ZDHHC9: variants seen among roughly 807,000 people sequenced by gnomAD.
ZDHHC9 encodes the protein palmitoyltransferase ZDHHC9.
A neutral mutation model predicts 26.6 loss-of-function variants in ZDHHC9; 3 were observed. The observed-to-expected ratio is 0.11, with a 90% confidence interval of 0.05 to 0.29. ZDHHC9 has a LOEUF of 0.29. ZDHHC9 is among the 10% of genes least tolerant of loss of function. The pLI, the probability that ZDHHC9 is intolerant of heterozygous loss-of-function variation, is 1.00. For missense variants in ZDHHC9, 146 were observed against 296.4 expected (o/e 0.49, Z 3.73); for synonymous variants, 111 against 109.4 (o/e 1.01, Z -0.09).
chrX:129,806,501 A>G lies in ZDHHC9; in HGVS notation c.979-15T>C, dbSNP rs1927520091. ...TCTGTGGGGGCCTGAGAAGGAAAAG[A>G]TATGAGATTCAACACAAAGCTGTTC... On this transcript the variant is annotated splice_polypyrimidine_tract_variant and intron_variant, in intron 10 of 10. Transcript: ENST00000357166. 8.5e-7 allele frequency: 1 copy of G among 1,179,725 alleles called. No homozygotes were observed. Among genetic ancestry groups the G allele is most frequent in the African/African-American group, 1.8e-5 (1 of 56,356 alleles).
chrX:129,838,039 A>T (rs1305848823), intron 3 of ZDHHC9, among the ~76,000 whole-genome samples: 1 of 112,439 alleles, frequency 8.9e-6, no homozygotes, highest in Non-Finnish European at 1.9e-5. Flanking sequence ...AAGAACTGAA[A>T]ATTGTTCATG....
At position 129,806,381 on chromosome X, in the gene ZDHHC9, C is replaced by G. The variant is rs1299515948; in HGVS notation, c.1084G>C (p.Ala362Pro). 3 of 1,210,810 alleles carry G rather than the reference C, an allele frequency of 2.5e-6. No homozygotes were observed. The highest frequency in any genetic ancestry group is 3.4e-6 in the Non-Finnish European group (3 of 894,492). The change falls in exon 11 of 11, where the codon GCT (alanine) becomes CCT (proline). Residue 362 changes from alanine to proline, a missense_variant. Physicochemically the swap from Ala to Pro is conservative, Grantham distance 27. This residue lies in a region of ZDHHC9 where 46 missense variants were observed against 46.4 expected (regional missense o/e 0.99). Coordinates refer to ENST00000357166, the MANE Select transcript of ZDHHC9 (RefSeq NM_016032.4). ...PPEPPQEAAE[A>P]EK ...CTTCCATAGATAGGCTACTTCTCAG[C>G]TTCAGCTGCCTCCTGTGGTGGCTCT...
At chrX:129,817,122 G>A (rs1430921318) in intron 5 of ZDHHC9, among the ~76,000 whole-genome samples, 2 of 111,120 alleles carry the variant, frequency 1.8e-5, no homozygotes, top group African/African-American at 3.3e-5. Context: ...TGAAATGCCC[G>A]CCTCAGCCTC....
Position 129,841,845 on chromosome X carries a change from T to G in ZDHHC9, c.101A>C (p.Gln34Pro). 8.3e-7 allele frequency: 1 copy of G among 1,211,852 alleles called. No individual in the cohort carries two copies. Among genetic ancestry groups the G allele is most frequent in the East Asian group, 3.0e-5 (1 of 33,850 alleles). ...AAGGGTCAGGTAGAAAATGCCCTTT[T>G]GCCGGGCCATCATGACGCGGCCATC... is the stretch of plus-strand genomic sequence containing the variant. Reference protein sequence around the residue: ...CCDGRVMMARQKGIFYLTLFL... With the variant: ...CCDGRVMMARPKGIFYLTLFL... Residue 34 changes from glutamine to proline, a missense_variant, in exon 3 of 11, where the codon CAA becomes CCA. By Grantham distance (76) the Gln-to-Pro change is moderately conservative (BLOSUM62 -1). This residue lies in a region of ZDHHC9 where 100 missense variants were observed against 250.0 expected (regional missense o/e 0.40). Transcript: ENST00000357166.
At chrX:129,812,890 G>A (rs772249868) in intron 7 of ZDHHC9, 70 bp from the exon 8 acceptor site, 100 of 730,436 alleles carry the variant, frequency 1.4e-4, no homozygotes, top group Non-Finnish European at 2.0e-4. Flanking sequence ...CATATTCAGA[G>A]CACCAGTCAG....
chrX:129,814,794 C>T lies in ZDHHC9; in HGVS notation c.489G>A (p.Glu163=), dbSNP rs1339214564. The part of the protein sequence containing the change: ...SHCSICDNCV[E]RFDHHCPWVG... ...CCCAGGGGCAGTGATGGTCGAAGCGCTCTGTGGGAGAAAGAGAGAGTCCAA... is the reference window on the plus strand; with the variant it reads ...CCCAGGGGCAGTGATGGTCGAAGCGTTCTGTGGGAGAAAGAGAGAGTCCAA... Residue 163 remains glutamate, a splice_region_variant and synonymous_variant, in exon 6 of 11, where the codon GAG becomes GAA. Transcript: ENST00000357166. The T allele has an allele frequency of 1.7e-6, 2 of 1,209,296 alleles. No homozygotes were observed. The highest frequency in any genetic ancestry group is 5.9e-5 in the East Asian group (2 of 33,762).
chrX:129,837,937 T>C (rs1032172179), intron 3 of ZDHHC9, among the ~76,000 whole-genome samples: 2 of 112,250 alleles, frequency 1.8e-5, no homozygotes, highest in Non-Finnish European at 3.8e-5. Flanking sequence ...GTCTCCTAGG[T>C]TGTCAGTGGC....
intron 5 of ZDHHC9, among the ~76,000 whole-genome samples, chrX:129,817,800 T>C (rs948547664): frequency 1.8e-5 from 2 of 111,128 alleles, no homozygotes; most frequent in Non-Finnish European, 3.8e-5. Context: ...CAGTACTGTA[T>C]TCCTTTTTAT....
intron 4 of ZDHHC9, among the ~76,000 whole-genome samples, chrX:129,825,278 A>AT (rs1449958304): frequency 1.8e-5 from 2 of 111,711 alleles, no homozygotes; most frequent in Non-Finnish European, 1.9e-5. Flanking sequence ...CAAAAAAAAA[A>AT]TTTTTTTTGG....
chrX:129,832,268 T>A (rs888796824), intron 3 of ZDHHC9, among the ~76,000 whole-genome samples: 1 of 110,951 alleles, frequency 9.0e-6, no homozygotes, highest in Non-Finnish European at 1.9e-5. Flanking sequence ...CTGACAAGAA[T>A]AAGCTACGTG....
At chrX:129,811,618 G>A in intron 8 of ZDHHC9, 109 bp from the exon 9 acceptor site, 1 of 654,224 alleles carries the variant, frequency 1.5e-6, no homozygotes, top group South Asian at 2.8e-5. Context: ...TAATAATGTT[G>A]AAGAAACACA....
At chrX:129,812,217 G>A (rs1266962389) in intron 8 of ZDHHC9, among the ~76,000 whole-genome samples, 1 of 110,932 alleles carries the variant, frequency 9.0e-6, no homozygotes, top group East Asian at 2.8e-4. Flanking sequence ...CCGAGTAGCT[G>A]GGACTACAGG....
At chrX:129,829,377 C>T (rs1170951691) in intron 3 of ZDHHC9, among the ~76,000 whole-genome samples, 1 of 111,494 alleles carries the variant, frequency 9.0e-6, no homozygotes, top group Non-Finnish European at 1.9e-5. Context: ...CTTGAGGACA[C>T]TCTCTTACCC....
intron 4 of ZDHHC9, among the ~76,000 whole-genome samples, chrX:129,824,214 C>T (rs1018267159): frequency 7.2e-5 from 8 of 111,684 alleles, no homozygotes; most frequent in African/African-American, 2.6e-4. Flanking sequence ...AATAAAAATA[C>T]CCCATGTTAG....
In ZDHHC9 at chrX:129,828,985, C is replaced by T. The variant is rs372929200; in HGVS notation, c.324G>A (p.Glu108=). The T allele has an allele frequency of 3.1e-5, 38 of 1,209,974 alleles. No homozygotes were observed. Among genetic ancestry groups the T allele is most frequent in the Non-Finnish European group, 4.1e-5 (37 of 895,307 alleles). The change falls in exon 4 of 11, where the codon GAG becomes GAA. Residue 108 remains glutamate, a synonymous_variant. Coordinates refer to ENST00000357166, the MANE Select transcript of ZDHHC9 (RefSeq NM_016032.4). ...CCAGCTGGTTGGAAGACTCACCTAT[C>T]TCCATTTCTATGAAAGCTGCTTCAT... is the stretch of plus-strand genomic sequence containing the variant. ...LPDEAAFIEM[E]IEATNGAVPQ...
intron 4 of ZDHHC9, among the ~76,000 whole-genome samples, chrX:129,828,135 T>C (rs1429512472): frequency 9.0e-6 from 1 of 111,532 alleles, no homozygotes; most frequent in Non-Finnish European, 1.9e-5. Flanking sequence ...GAATTCTTGG[T>C]TGGGGGGGAC....
chrX:129,807,805 C>T (rs760075569), intron 10 of ZDHHC9, among the ~76,000 whole-genome samples: 58 of 111,814 alleles, frequency 5.2e-4, no homozygotes, highest in African/African-American at 1.7e-3. Context: ...GGCAACAGAG[C>T]GAAACTCCAT....
At chrX:129,828,906 C>T (rs1200595479) in intron 4 of ZDHHC9, 75 bp downstream of exon 4, 2 of 1,157,947 alleles carry the variant, frequency 1.7e-6, no homozygotes, top group Non-Finnish European at 1.2e-6. Context: ...TCTGCAACTA[C>T]TATTATGATT....
At chrX:129,833,503 C>T (rs1301297055) in intron 3 of ZDHHC9, among the ~76,000 whole-genome samples, 1 of 112,170 alleles carries the variant, frequency 8.9e-6, no homozygotes, top group East Asian at 2.8e-4. Context: ...CTATGCCTTA[C>T]GGATTGGCAG....
Sources: gnomAD v4.1 joint callset for allele counts (sites outside exome capture counted in the v4.1 genomes callset) on GRCh38, gnomAD v4.1.1 for gene constraint, gnomAD v4.1.1 regional missense constraint, MANE v1.5 for transcripts, NCBI Gene and HGNC (gene_info 2026-07-23, HGNC 2026-07-21) for gene names.